Variants in SPAG16 observed in about 807,000 individuals in gnomAD.
SPAG16 encodes sperm-associated antigen 16 protein.
SPAG16 carries 86 observed loss-of-function variants against 80.4 expected under a neutral mutation model. The observed-to-expected ratio is 1.07, with a 90% CI of 0.90 to 1.28. The LOEUF (loss-of-function observed/expected upper bound fraction) is 1.28, where lower values mean the gene tolerates loss of function less well. Ranked by LOEUF, SPAG16 falls within the 50% of genes most tolerant of loss-of-function variation. The pLI is 0.00. For synonymous variants in SPAG16, 294 were observed against 265.9 expected (o/e 1.11, Z -1.03); for missense variants, 870 against 765.3 (o/e 1.14, Z -1.61).
At chr2:213,673,916 T>C (rs1257384976) in intron 10 of SPAG16, among the ~76,000 whole-genome samples, 1 of 152,182 alleles carries the variant, frequency 6.6e-6, no homozygotes, top group Non-Finnish European at 1.5e-5. Flanking sequence ...CATGTTACAG[T>C]ACATTCATTC....
At chr2:213,739,651 G>T (rs1386680412) in intron 10 of SPAG16, among the ~76,000 whole-genome samples, 1 of 152,238 alleles carries the variant, frequency 6.6e-6, no homozygotes, top group Middle Eastern at 3.4e-3. Flanking sequence ...GCCCAGGCTG[G>T]AGCACAATGG....
At chr2:214,054,707 T>C (rs530125768) in intron 13 of SPAG16, among the ~76,000 whole-genome samples, 2 of 152,324 alleles carry the variant, frequency 1.3e-5, no homozygotes, top group South Asian at 4.1e-4. Context: ...AATGTATTTG[T>C]GTTCCTCTCT....
At chr2:214,142,163 AAT>A in intron 14 of SPAG16, among the ~76,000 whole-genome samples, 2 of 152,156 alleles carry the variant, frequency 1.3e-5, no homozygotes, top group East Asian at 3.9e-4. Context: ...CTTTGTCTAG[AAT>A]AGAGTACATC....
rs2069165008 is a variant in SPAG16, at chr2:213,770,204, T to C, written c.1071-92281T>C. ...TTGGGGCTATTAGGAATGAAAGTGCTATAAACTTTCTTGTACAAGGTTTTG... is the reference window on the plus strand; with the variant it reads ...TTGGGGCTATTAGGAATGAAAGTGCCATAAACTTTCTTGTACAAGGTTTTG... On this transcript the variant is annotated intron_variant, in intron 10 of 15. Coordinates refer to ENST00000331683, the MANE Select transcript of SPAG16 (RefSeq NM_024532.5). Among the ~76,000 whole-genome samples the C allele has an allele frequency of 2.6e-5, 4 of 152,328 alleles. No individual in the cohort carries two copies. The South Asian group carries it at 8.3e-4, about 32-fold the overall frequency.
intron 11 of SPAG16, among the ~76,000 whole-genome samples, chr2:213,921,962 A>G (rs1575558969): frequency 6.6e-6 from 1 of 152,128 alleles, no homozygotes; most frequent in East Asian, 1.9e-4. Context: ...ACATTTTTTC[A>G]TTCATTTGGA....
At chr2:214,035,605 G>T (rs1156237110) in intron 13 of SPAG16, among the ~76,000 whole-genome samples, 1 of 152,220 alleles carries the variant, frequency 6.6e-6, no homozygotes, top group Non-Finnish European at 1.5e-5. Context: ...CAAGATTGGA[G>T]TGTGCGCCAG....
intron 13 of SPAG16, among the ~76,000 whole-genome samples, chr2:214,060,075 A>T (rs1182838577): frequency 6.6e-6 from 1 of 152,114 alleles, no homozygotes; most frequent in Non-Finnish European, 1.5e-5. Flanking sequence ...TAAGAGAGTA[A>T]CTGGGATCAA....
At chr2:214,408,453 T>C (rs554963300) in intron 15 of SPAG16, among the ~76,000 whole-genome samples, 6 of 152,320 alleles carry the variant, frequency 3.9e-5, no homozygotes, top group African/African-American at 9.6e-5. Context: ...TTGGACACTC[T>C]AATCCATCCT....
chr2:213,654,969 T>C (rs1181581615), intron 10 of SPAG16, among the ~76,000 whole-genome samples: 3 of 152,218 alleles, frequency 2.0e-5, no homozygotes, highest in Non-Finnish European at 4.4e-5. Flanking sequence ...TACTCTGAGT[T>C]ATTAGAAAAT....
At chr2:214,166,101 G>A (rs2056642295) in intron 15 of SPAG16, among the ~76,000 whole-genome samples, 1 of 152,144 alleles carries the variant, frequency 6.6e-6, no homozygotes, top group Admixed American at 6.5e-5. Flanking sequence ...TGTCATAAAT[G>A]TGCATATAAT....
chr2:213,415,523 G>A (rs188054547), intron 9 of SPAG16, among the ~76,000 whole-genome samples: 1 of 152,206 alleles, frequency 6.6e-6, no homozygotes, highest in African/African-American at 2.4e-5. Flanking sequence ...GCACAGGTTG[G>A]CTAAGAAAGT....
At chr2:213,884,754 C>A (rs537560558) in intron 11 of SPAG16, among the ~76,000 whole-genome samples, 13 of 152,260 alleles carry the variant, frequency 8.5e-5, no homozygotes, top group African/African-American at 2.9e-4. Flanking sequence ...GAGCTCTGAG[C>A]TTCTTTCCTT....
At chr2:213,676,025 A>G (rs192315301) in intron 10 of SPAG16, among the ~76,000 whole-genome samples, 1,980 of 152,226 alleles carry the variant, frequency 0.013, 44 homozygotes, top group African/African-American at 0.044. Flanking sequence ...TGAGCATGGA[A>G]TGTTCTTCCA....
intron 10 of SPAG16, among the ~76,000 whole-genome samples, chr2:213,614,881 C>T (rs2061544358): frequency 6.6e-6 from 1 of 152,120 alleles, no homozygotes; most frequent in Admixed American, 6.5e-5. Flanking sequence ...CTGGAAGTTC[C>T]ATAACATTTT....
chr2:214,330,411 G>C (rs1696832314), intron 15 of SPAG16, among the ~76,000 whole-genome samples: 1 of 152,168 alleles, frequency 6.6e-6, no homozygotes, highest in Non-Finnish European at 1.5e-5. Flanking sequence ...GCAGGAAAAT[G>C]AAAGGGCACT....
At chr2:213,501,704 A>G (rs2074748825) in intron 10 of SPAG16, among the ~76,000 whole-genome samples, 1 of 152,200 alleles carries the variant, frequency 6.6e-6, no homozygotes, top group Non-Finnish European at 1.5e-5. Context: ...TTATTACATG[A>G]CAATAGAGTA....
chr2:214,259,110 T>C (rs1360742759), intron 15 of SPAG16, among the ~76,000 whole-genome samples: 1 of 151,888 alleles, frequency 6.6e-6, no homozygotes, highest in Non-Finnish European at 1.5e-5. Context: ...ATTTGTATTT[T>C]GGATTGTTTT....
intron 11 of SPAG16, among the ~76,000 whole-genome samples, chr2:213,896,581 C>G (rs62191877): frequency 7.6e-6 from 1 of 131,810 alleles, no homozygotes; most frequent in Non-Finnish European, 1.6e-5. Context: ...GTGATATATA[C>G]ACACACACAC....
intron 15 of SPAG16, among the ~76,000 whole-genome samples, chr2:214,312,035 T>G (rs1695375276): frequency 6.6e-6 from 1 of 152,172 alleles, no homozygotes; most frequent in Non-Finnish European, 1.5e-5. Context: ...AATTGTAAAT[T>G]TATAAGCATA....
Sources: allele counts gnomAD v4.1 joint callset (sites outside exome capture counted in the v4.1 genomes callset), GRCh38; gene constraint gnomAD v4.1.1; transcripts MANE v1.5; gene names NCBI Gene and HGNC (gene_info 2026-07-23, HGNC 2026-07-21).